The following PRKCA variants were observed in gnomAD, a reference collection of about 807,000 sequenced individuals.
PRKCA encodes the protein protein kinase C alpha type.
PRKCA carries 27 observed loss-of-function variants against 87.0 expected under a neutral mutation model. The observed-to-expected ratio is 0.31, with a 90% CI of 0.23 to 0.43. The LOEUF is 0.43. PRKCA is among the 20% of genes least tolerant of loss of function. The probability of loss-of-function intolerance (pLI) is 1.00; values close to 1 mark genes in which losing one functional copy is unlikely to be tolerated. For missense variants in PRKCA, 518 were observed against 852.3 expected, an observed-to-expected ratio of 0.61 and a Z score of 4.88; for synonymous variants, 329 against 311.1, an observed-to-expected ratio of 1.06 and a Z score of -0.61.
chr17:66,623,411 G>A (rs1179990481), intron 3 of PRKCA, among the ~76,000 whole-genome samples: 2 of 152,166 alleles, frequency 1.3e-5, no homozygotes, highest in African/African-American at 2.4e-5. Context: ...CGAAGGAATG[G>A]GTGGAAAGCT....
At chr17:66,727,332 G>A (rs3889477) in intron 8 of PRKCA, among the ~76,000 whole-genome samples, 51,549 of 152,048 alleles carry the variant, frequency 0.34, 9,266 homozygotes, top group Middle Eastern at 0.41. Flanking sequence ...TTAAGGGGTG[G>A]GATATTCCTG....
chr17:66,385,365 G>T (rs187495643), intron 2 of PRKCA, among the ~76,000 whole-genome samples: 85 of 152,310 alleles, frequency 5.6e-4, no homozygotes, highest in Non-Finnish European at 1.0e-3. Flanking sequence ...TGGGAATCAA[G>T]AACCTCATTT....
chr17:66,371,884 C>T (rs1046765954), intron 2 of PRKCA, among the ~76,000 whole-genome samples: 1 of 152,158 alleles, frequency 6.6e-6, no homozygotes, highest in African/African-American at 2.4e-5. Context: ...CTACTTGATG[C>T]CTGGCGTATT....
chr17:66,386,421 T>A (rs1341670863), intron 2 of PRKCA, among the ~76,000 whole-genome samples: 1 of 152,256 alleles, frequency 6.6e-6, no homozygotes, highest in Non-Finnish European at 1.5e-5. Flanking sequence ...TGGATTTGAA[T>A]CTTGGCTCCA....
chr17:66,660,976 G>A (rs1204971719), intron 5 of PRKCA, among the ~76,000 whole-genome samples: 3 of 152,106 alleles, frequency 2.0e-5, no homozygotes, highest in African/African-American at 4.8e-5. Flanking sequence ...GGGGGAATTA[G>A]CAAAAGAAAT....
intron 2 of PRKCA, among the ~76,000 whole-genome samples, chr17:66,393,671 G>A (rs1238112547): frequency 2.7e-5 from 4 of 148,790 alleles, no homozygotes; most frequent in South Asian, 2.2e-4. Context: ...TGTGTGCGCC[G>A]TCAAATGTTG....
chr17:66,558,263 G>A (rs541522681), intron 3 of PRKCA, among the ~76,000 whole-genome samples: 1 of 152,354 alleles, frequency 6.6e-6, no homozygotes, highest in East Asian at 1.9e-4. Flanking sequence ...CCCTCCTGGG[G>A]CTTCTGGTCT....
intron 5 of PRKCA, among the ~76,000 whole-genome samples, chr17:66,672,073 A>G (rs1972203050): frequency 6.6e-6 from 1 of 152,244 alleles, no homozygotes; most frequent in Non-Finnish European, 1.5e-5. Context: ...TATTAAGCTA[A>G]TCTCAGAAAG....
intron 2 of PRKCA, among the ~76,000 whole-genome samples, chr17:66,409,859 A>C (rs1400674207): frequency 6.6e-6 from 1 of 152,244 alleles, no homozygotes; most frequent in Non-Finnish European, 1.5e-5. Context: ...TGGAGCTTGC[A>C]GTGAGCCGAG....
intron 2 of PRKCA, among the ~76,000 whole-genome samples, chr17:66,388,463 T>G (rs2143624195): frequency 6.6e-6 from 1 of 152,144 alleles, no homozygotes; most frequent in South Asian, 2.1e-4. Flanking sequence ...TCTGGCTGAT[T>G]TTGTGTTTTT....
At position 66,371,402 on chromosome 17, in the gene PRKCA, A is replaced by T. The variant is rs148717236; in HGVS notation, c.205+65275A>T. On this transcript the variant is annotated intron_variant, in intron 2 of 16. Coordinates refer to ENST00000413366, the MANE Select transcript of PRKCA (RefSeq NM_002737.3). ...TCAGATCCACATATAAGACTCATTC[A>T]AAATGATCTTCCTCAATGGAAACCG... Among the ~76,000 whole-genome samples, 45 of 152,340 alleles carry T rather than the reference A, an allele frequency of 3.0e-4. No individual in the cohort carries two copies. The East Asian group carries it at 4.6e-3, about 16-fold the overall frequency.
intron 3 of PRKCA, among the ~76,000 whole-genome samples, chr17:66,514,209 G>A (rs890918197): frequency 1.3e-5 from 2 of 152,088 alleles, no homozygotes; most frequent in South Asian, 2.1e-4. Context: ...TACTAGCCAC[G>A]GTTTCAGGCA....
At chr17:66,328,195 C>T (rs1567773690) in intron 2 of PRKCA, among the ~76,000 whole-genome samples, 1 of 152,052 alleles carries the variant, frequency 6.6e-6, no homozygotes, top group Non-Finnish European at 1.5e-5. Context: ...GATGCATGCC[C>T]CTATGCCTGG....
At chr17:66,702,281 T>C (rs965837669) in intron 8 of PRKCA, among the ~76,000 whole-genome samples, 4 of 152,116 alleles carry the variant, frequency 2.6e-5, no homozygotes, top group African/African-American at 4.8e-5. Context: ...TGGATGAACC[T>C]GGAGGACATT....
intron 13 of PRKCA, among the ~76,000 whole-genome samples, chr17:66,766,224 T>G (rs1458618726): frequency 2.6e-5 from 4 of 152,110 alleles, no homozygotes; most frequent in African/African-American, 9.7e-5. Flanking sequence ...TCATGGGAAT[T>G]TAATGCCTTG....
rs575214783 is a variant in PRKCA, at chr17:66,798,365, CT to C, written c.1855-5503del. On this transcript the variant is annotated intron_variant, in intron 16 of 16. Coordinates refer to ENST00000413366, the MANE Select transcript of PRKCA (RefSeq NM_002737.3). ...TCCAAAAATCTCTGGTTTTCCTTAT[CT>C]TTTTCAGTAGGCGGTGGTGGTGGTG... Among the ~76,000 whole-genome samples the C allele has an allele frequency of 3.4e-4, 39 of 115,242 alleles. No homozygotes were observed. In the South Asian group the frequency reaches 9.7e-3, roughly 29 times the overall value. The allele number at this position is 115,242 out of a possible 152,430, so 75.6% of individuals were successfully genotyped here. A position where few individuals can be genotyped will look rare whatever the true frequency, so the allele number is the denominator to read the frequency against.
chr17:66,480,869 C>G (rs2144050693), intron 2 of PRKCA, among the ~76,000 whole-genome samples: 1 of 152,200 alleles, frequency 6.6e-6, no homozygotes, highest in Admixed American at 6.5e-5. Context: ...TTCAGTGAAC[C>G]ATGGCTGAAG....
intron 2 of PRKCA, among the ~76,000 whole-genome samples, chr17:66,308,552 T>G (rs923194974): frequency 6.6e-6 from 1 of 152,164 alleles, no homozygotes; most frequent in African/African-American, 2.4e-5. Flanking sequence ...TAACCTCAGA[T>G]CTCTTTAAAT....
At chr17:66,327,991 G>C (rs1185975973) in intron 2 of PRKCA, among the ~76,000 whole-genome samples, 1 of 152,178 alleles carries the variant, frequency 6.6e-6, no homozygotes, top group Non-Finnish European at 1.5e-5. Flanking sequence ...ACCAAGGAAA[G>C]CACTACGGGA....
Sources: gnomAD v4.1 joint callset for allele counts (sites outside exome capture counted in the v4.1 genomes callset) on GRCh38, gnomAD v4.1.1 for gene constraint, MANE v1.5 for transcripts, NCBI Gene and HGNC (gene_info 2026-07-23, HGNC 2026-07-21) for gene names.